Variants in POLN observed in about 807,000 individuals in gnomAD.
POLN encodes the protein DNA polymerase nu.
A neutral mutation model predicts 113.5 loss-of-function variants in POLN; 108 were observed. The observed-to-expected ratio is 0.95, with a 90% CI of 0.81 to 1.12. The LOEUF is 1.12. Among genes scored for constraint, POLN ranks in the 50% most tolerant of loss-of-function variants. The pLI is 0.00. For missense variants in POLN, 1,097 were observed against 1,077.1 expected, an observed-to-expected ratio of 1.02 and a Z score of -0.26; for synonymous variants, 386 against 391.5, an observed-to-expected ratio of 0.99 and a Z score of 0.17.
intron 16 of POLN, among the ~76,000 whole-genome samples, chr4:2,134,455 C>A (rs1024832555): frequency 7.9e-5 from 12 of 152,194 alleles, no homozygotes; most frequent in African/African-American, 2.9e-4. Context: ...TACCATTTTT[C>A]ATTCCCACCA....
chr4:2,123,857 T>C (rs1385326959), intron 19 of POLN, among the ~76,000 whole-genome samples: 1 of 151,788 alleles, frequency 6.6e-6, no homozygotes, highest in Non-Finnish European at 1.5e-5. Flanking sequence ...TATACAAATG[T>C]GCATAATGCA....
At chr4:2,184,843 A>G (rs1004489618) in intron 7 of POLN, among the ~76,000 whole-genome samples, 1 of 152,238 alleles carries the variant, frequency 6.6e-6, no homozygotes, top group Admixed American at 6.5e-5. Context: ...ATGTGTCAAA[A>G]CATATCAAAT....
At chr4:2,079,439 G>A (rs1730351845) in intron 23 of POLN, 2 of 985,526 alleles carry the variant, frequency 2.0e-6, no homozygotes, top group Middle Eastern at 5.2e-4. Flanking sequence ...TGGCATCAGT[G>A]TATATGCGTA....
intron 20 of POLN, among the ~76,000 whole-genome samples, chr4:2,092,830 C>A (rs1311391129): frequency 1.3e-5 from 2 of 152,344 alleles, no homozygotes; most frequent in East Asian, 3.9e-4. Context: ...GCCTGGGAGG[C>A]CTGGCAAGTT....
rs1731624378 is a variant in POLN, at chr4:2,127,915, G to A, written c.1982+198C>T. Among the ~76,000 whole-genome samples the A allele has an allele frequency of 6.6e-6, 1 of 152,074 alleles. No individual in the cohort carries two copies. Among genetic ancestry groups the A allele is most frequent in the African/African-American group, 2.4e-5 (1 of 41,418 alleles). On this transcript the variant is annotated intron_variant, in intron 19 of 25. Coordinates refer to ENST00000511885, the MANE Select transcript of POLN (RefSeq NM_181808.4). The surrounding 1 kb of genome is among the most constrained non-coding windows in gnomAD (Gnocchi z 4.7). Reference sequence around the variant, plus strand: ...GGAATGGACTTCTTTTTTTTAGTGGGGAAGAACCATCACTTCCTTCACAAT... The same window carrying A: ...GGAATGGACTTCTTTTTTTTAGTGGAGAAGAACCATCACTTCCTTCACAAT...
chr4:2,096,771 C>T (rs993225247), intron 19 of POLN, among the ~76,000 whole-genome samples: 2 of 151,670 alleles, frequency 1.3e-5, no homozygotes, highest in African/African-American at 2.4e-5. Flanking sequence ...AAACTTCTCC[C>T]AATCTGTTTT....
In POLN at chr4:2,174,000, A is replaced by T. The variant is rs755970486; in HGVS notation, c.1329T>A (p.Ile443=). The T allele has an allele frequency of 2.5e-6, 4 of 1,614,120 alleles. No individual in the cohort carries two copies. Among genetic ancestry groups the T allele is most frequent in the Non-Finnish European group, 2.5e-6 (3 of 1,180,042 alleles). ...PILAVMESHA[I]QVNKEEMEKT... ...TCTCCATCTCCTCTTTGTTCACCTG[A>T]ATGGCATGGCTTTCCATCACTGTGA... is the stretch of plus-strand genomic sequence containing the variant. Residue 443 remains isoleucine (I), a synonymous_variant, in exon 11 of 26, where the codon ATT becomes ATA. Coordinates refer to ENST00000511885, the MANE Select transcript of POLN (RefSeq NM_181808.4).
At chr4:2,101,181 A>G (rs1730914079) in intron 19 of POLN, among the ~76,000 whole-genome samples, 1 of 152,254 alleles carries the variant, frequency 6.6e-6, no homozygotes, top group South Asian at 2.1e-4. Flanking sequence ...ATAAGGCTAA[A>G]GAAAACAAAG....
At chr4:2,082,134 G>C (rs1426734045) in intron 21 of POLN, among the ~76,000 whole-genome samples, 4 of 151,670 alleles carry the variant, frequency 2.6e-5, no homozygotes, top group Admixed American at 2.0e-4. Flanking sequence ...TTTTGTATTT[G>C]TAGTAGAGAT....
chr4:2,073,826 C>T (rs1449503512), intron 24 of POLN, among the ~76,000 whole-genome samples: 1 of 152,254 alleles, frequency 6.6e-6, no homozygotes, highest in Non-Finnish European at 1.5e-5. Context: ...TCCCTGGGGA[C>T]CTGTCCCTGG....
chr4:2,206,311 G>T (rs1340912971), intron 5 of POLN, among the ~76,000 whole-genome samples: 2 of 152,108 alleles, frequency 1.3e-5, no homozygotes, highest in East Asian at 3.8e-4. Context: ...GATAACATGG[G>T]AAAAACCCTT....
chr4:2,161,211 C>T (rs1732578576), intron 13 of POLN, among the ~76,000 whole-genome samples: 1 of 152,250 alleles, frequency 6.6e-6, no homozygotes, highest in African/African-American at 2.4e-5. Context: ...CTGTGGGAGC[C>T]CCTTTCTGGG....
chr4:2,094,550 G>T (rs1056336895), intron 20 of POLN, among the ~76,000 whole-genome samples: 11 of 152,078 alleles, frequency 7.2e-5, no homozygotes, highest in Non-Finnish European at 1.3e-4. Context: ...TACATTTGTG[G>T]CAATTTGTTA....
intron 6 of POLN, among the ~76,000 whole-genome samples, chr4:2,194,108 G>A (rs1733519526): frequency 6.6e-6 from 1 of 152,160 alleles, no homozygotes; most frequent in South Asian, 2.1e-4. Flanking sequence ...TATCTGGCAT[G>A]CACTAGAACC....
In POLN at chr4:2,131,246, A is replaced by C; in HGVS notation, c.1776T>G (p.Pro592=). 6.3e-7 allele frequency: 1 copy of C among 1,589,682 alleles called. No homozygotes were observed. Among genetic ancestry groups the C allele is most frequent in the Non-Finnish European group, 8.6e-7 (1 of 1,159,506 alleles). The change falls in exon 17 of 26, where the codon CCT becomes CCG. Residue 592 remains proline, a synonymous_variant. Coordinates refer to ENST00000511885, the MANE Select transcript of POLN (RefSeq NM_181808.4). Reference sequence around the variant, plus strand: ...GAAATGAGTTACCTTTAAAATTCTTAGGTGTAGTAATCTGAATTGGGTGCT... The same window carrying C: ...GAAATGAGTTACCTTTAAAATTCTTCGGTGTAGTAATCTGAATTGGGTGCT... ...ISKHPIQITT[P]KNFKGKEDKI...
At chr4:2,118,473 C>T (rs556675080) in intron 19 of POLN, among the ~76,000 whole-genome samples, 75 of 152,200 alleles carry the variant, frequency 4.9e-4, no homozygotes, top group Admixed American at 2.0e-3. Context: ...TACCTTGTCA[C>T]ATGTAGACAT....
At chr4:2,219,003 C>T (rs987993855) in intron 3 of POLN, among the ~76,000 whole-genome samples, 8 of 152,196 alleles carry the variant, frequency 5.3e-5, no homozygotes, top group African/African-American at 1.9e-4. Flanking sequence ...TATTGCTATA[C>T]TAATTCACTA....
intron 16 of POLN, among the ~76,000 whole-genome samples, chr4:2,137,587 G>A (rs1466852176): frequency 6.6e-6 from 1 of 152,116 alleles, no homozygotes; most frequent in Admixed American, 6.5e-5. Flanking sequence ...GGCTTGGATG[G>A]GCAGCCCCCT....
chr4:2,191,195 A>T (rs1733430818), intron 7 of POLN, among the ~76,000 whole-genome samples: 1 of 152,260 alleles, frequency 6.6e-6, no homozygotes, highest in African/African-American at 2.4e-5. Flanking sequence ...CATTTGCAGC[A>T]ACATGGATGG....
Sources: gnomAD v4.1 joint callset for allele counts (sites outside exome capture counted in the v4.1 genomes callset) on GRCh38, gnomAD v4.1.1 for gene constraint, Gnocchi (gnomAD v3.1) non-coding constraint, MANE v1.5 for transcripts, NCBI Gene and HGNC (gene_info 2026-07-23, HGNC 2026-07-21) for gene names.